Variants in P2RY8 observed in about 807,000 individuals in gnomAD.
The protein encoded by P2RY8 is P2Y receptor family member 8.
In P2RY8, 6 loss-of-function variants were observed where a neutral mutation model predicts 10.0. The observed-to-expected ratio is 0.60, with a 90% CI of 0.33 to 1.19. The LOEUF is 1.19. Among genes scored for constraint, P2RY8 ranks in the 50% most tolerant of loss-of-function variants. The pLI is 0.04. For synonymous variants in P2RY8, 276 were observed against 252.5 expected (o/e 1.09, Z -0.88); for missense variants, 456 against 542.0 (o/e 0.84, Z 1.58).
intron 1 of P2RY8, among the ~76,000 whole-genome samples, chrX:1,524,501 G>GCATCCATC (rs769194804): frequency 2.5e-5 from 1 of 39,888 alleles, no homozygotes; most frequent in African/African-American, 1.1e-4. Context: ...ATACATCCAC[G>GCATCCATC]CATCCATCCA....
intron 1 of P2RY8, among the ~76,000 whole-genome samples, chrX:1,483,590 C>T (rs1368784231): frequency 3.3e-5 from 5 of 151,984 alleles, no homozygotes; most frequent in African/African-American, 9.7e-5. Context: ...GCCAACATTG[C>T]GCCACTGCAC....
chrX:1,485,430 C>T (rs1468536590), intron 1 of P2RY8, among the ~76,000 whole-genome samples: 69 of 152,164 alleles, frequency 4.5e-4, no homozygotes, highest in African/African-American at 9.6e-4. Context: ...TGAGCCACTG[C>T]GCCCAGCCCC....
intron 1 of P2RY8, among the ~76,000 whole-genome samples, chrX:1,474,730 T>C (rs1437858683): frequency 1.4e-5 from 2 of 140,170 alleles, no homozygotes; most frequent in Non-Finnish European, 3.1e-5. Flanking sequence ...TGGATGAGGA[T>C]GGGTAGATGG....
chrX:1,506,826 C>T (rs1221066214), intron 1 of P2RY8, among the ~76,000 whole-genome samples: 4 of 151,822 alleles, frequency 2.6e-5, no homozygotes, highest in Admixed American at 6.6e-5. Flanking sequence ...TACAGGCACC[C>T]GCCACCACGC....
chrX:1,488,344 G>C (rs1183884254), intron 1 of P2RY8, among the ~76,000 whole-genome samples: 3 of 152,170 alleles, frequency 2.0e-5, no homozygotes, highest in Admixed American at 6.5e-5. Context: ...CCTGCTCGCT[G>C]TCAGGCACAG....
At chrX:1,503,082 G>A (rs1400259780) in intron 1 of P2RY8, among the ~76,000 whole-genome samples, 2 of 151,414 alleles carry the variant, frequency 1.3e-5, no homozygotes, top group Non-Finnish European at 2.9e-5. Flanking sequence ...AATGACAGGT[G>A]CCCTGGTAAA....
intron 1 of P2RY8, among the ~76,000 whole-genome samples, chrX:1,486,428 C>A (rs1401703202): frequency 6.6e-6 from 1 of 152,130 alleles, no homozygotes; most frequent in Admixed American, 6.6e-5. Context: ...TGTGGATGAA[C>A]CTTGAAGACA....
In P2RY8 at chrX:1,512,426, C is replaced by A. The variant is rs1411219746; in HGVS notation, c.-25+24495G>T. 9.2e-5 allele frequency among the ~76,000 whole-genome samples: 14 copies of A among 151,622 alleles called. No homozygotes were observed. The South Asian group carries it at 1.3e-3, about 14-fold the overall frequency. On this transcript the variant is annotated intron_variant, in intron 1 of 1. Transcript: ENST00000381297. The stretch of plus-strand genomic sequence containing the variant: ...GCCAGGCGTGGTGGTGGGTACCTGT[C>A]ATCCCAGCTACTCGGGAGGCTGAAG...
At chrX:1,477,274 T>C (rs2091885713) in intron 1 of P2RY8, among the ~76,000 whole-genome samples, 1 of 112,750 alleles carries the variant, frequency 8.9e-6, no homozygotes, top group Non-Finnish European at 1.9e-5. Flanking sequence ...CTGTCATCCA[T>C]CTATCATCTA....
chrX:1,472,155 G>A (rs1448443339), intron 1 of P2RY8, among the ~76,000 whole-genome samples: 5 of 152,080 alleles, frequency 3.3e-5, no homozygotes, highest in African/African-American at 7.2e-5. Flanking sequence ...TGATACTCTC[G>A]GTATTATGGC....
At chrX:1,531,643 C>A (rs2092476377) in intron 1 of P2RY8, among the ~76,000 whole-genome samples, 1 of 152,152 alleles carries the variant, frequency 6.6e-6, no homozygotes, top group South Asian at 2.1e-4. Context: ...TCTCATAGGA[C>A]TCCTCCCTCC....
chrX:1,471,605 C>G (rs1234282585), intron 1 of P2RY8, among the ~76,000 whole-genome samples: 1 of 152,028 alleles, frequency 6.6e-6, no homozygotes, highest in Non-Finnish European at 1.5e-5. Context: ...CCGCGCCTGG[C>G]GTGTTCCTGA....
chrX:1,472,115 G>A (rs1369183181), intron 1 of P2RY8, among the ~76,000 whole-genome samples: 2 of 152,068 alleles, frequency 1.3e-5, no homozygotes, highest in Admixed American at 6.6e-5. Context: ...TGATTACGTA[G>A]AAGGAAGTTG....
intron 1 of P2RY8, among the ~76,000 whole-genome samples, chrX:1,492,880 G>C (rs1308245878): frequency 2.0e-5 from 3 of 151,932 alleles, no homozygotes; most frequent in Non-Finnish European, 4.4e-5. Context: ...CAAGGCTAAC[G>C]AGCAGCACTC....
chrX:1,514,625 CTTTT>C (rs2092326373), intron 1 of P2RY8, among the ~76,000 whole-genome samples: 1 of 51,292 alleles, frequency 1.9e-5, no homozygotes, highest in African/African-American at 8.5e-5. Flanking sequence ...CCTTCCCTTC[CTTTT>C]CCTTTCCCTT....
intron 1 of P2RY8, among the ~76,000 whole-genome samples, chrX:1,493,300 G>A (rs1185772093): frequency 3.8e-5 from 4 of 104,206 alleles, no homozygotes; most frequent in African/African-American, 1.5e-4. Context: ...AGAAAGGAGA[G>A]GAGAAGAGAG....
intron 1 of P2RY8, among the ~76,000 whole-genome samples, chrX:1,518,443 A>T (rs1462732718): frequency 7.0e-6 from 1 of 142,816 alleles, no homozygotes; most frequent in African/African-American, 2.5e-5. Context: ...AAAAAATAAT[A>T]ATAATATAAT....
intron 1 of P2RY8, among the ~76,000 whole-genome samples, chrX:1,501,885 G>A (rs752652855): frequency 3.9e-5 from 6 of 151,928 alleles, no homozygotes; most frequent in African/African-American, 1.4e-4. Context: ...GAGCCACCAC[G>A]CCCGGCGAGT....
intron 1 of P2RY8, among the ~76,000 whole-genome samples, chrX:1,492,462 T>C (rs771713406): frequency 4.6e-5 from 7 of 152,120 alleles, no homozygotes; most frequent in African/African-American, 1.7e-4. Flanking sequence ...TCCATCCCTA[T>C]AGAGAAAGTG....
Sources: allele counts gnomAD v4.1 joint callset (sites outside exome capture counted in the v4.1 genomes callset), GRCh38; gene constraint gnomAD v4.1.1; transcripts MANE v1.5; gene names NCBI Gene and HGNC (gene_info 2026-07-23, HGNC 2026-07-21).